FAM151A: variants seen among roughly 807,000 people sequenced by gnomAD.
The protein encoded by FAM151A is family with sequence similarity 151 member A, also known as protein FAM151A.
A neutral mutation model predicts 40.4 loss-of-function variants in FAM151A; 41 were observed. The ratio of observed to expected loss-of-function variants is 1.01; its 90% CI spans 0.79 to 1.32. The LOEUF (loss-of-function observed/expected upper bound fraction) is 1.32. Among genes scored for constraint, FAM151A ranks in the 40% most tolerant of loss-of-function variants. FAM151A has a pLI of 0.00. For synonymous variants in FAM151A, 337 were observed against 312.5 expected, an observed-to-expected ratio of 1.08 and a Z score of -0.83; for missense variants, 740 against 740.4, an observed-to-expected ratio of 1.00 and a Z score of 0.01.
rs151326879 is a variant in FAM151A at position 54,609,618 on chromosome 1, C to A, written c.1408G>T (p.Val470Phe). 8.3e-5 allele frequency: 134 copies of A among 1,613,518 alleles called. 1 individual carries two copies. The highest frequency in any genetic ancestry group is 8.2e-4 in the Middle Eastern group (5 of 6,078). Residue 470 changes from valine to phenylalanine, a missense_variant, in exon 8 of 8, where the codon GTC (valine) becomes TTC (phenylalanine). By Grantham distance (50) the Val-to-Phe change is conservative. Coordinates refer to ENST00000302250, the MANE Select transcript of FAM151A (RefSeq NM_176782.3). ...GRELLTAVAE[V>F]FPHVTVAPGW... ...GGTGCCACAGTCACGTGGGGGAAGA[C>A]CTCAGCCACAGCTGTAAGCAGCTCT...
chr1:54,623,447 A>G lies in FAM151A; in HGVS notation c.-52T>C. The G allele has an allele frequency of 7.2e-7, 1 of 1,383,818 alleles. No homozygotes were observed. 85.7% of individuals were successfully genotyped at this position (1,383,818 alleles called of 1,614,324 possible). On this transcript the variant is annotated 5_prime_UTR_variant, in exon 1 of 8. Transcript: ENST00000302250. ...AACTCCGTGCGGCCCAGAGTCCCTG[A>G]GGCTCCCTGCAGCTGGAATCCTGTG...
chr1:54,612,782 C>G lies in FAM151A; in HGVS notation c.576-72G>C. 7 of 1,162,976 alleles carry G rather than the reference C, an allele frequency of 6.0e-6. No individual in the cohort carries two copies. The South Asian group carries it at 9.0e-5, about 15-fold the overall frequency. The allele number at this position is 1,162,976 out of a possible 1,614,324, so 72.0% of individuals were successfully genotyped here. On this transcript the variant is annotated intron_variant, in intron 4 of 7. Transcript: ENST00000302250. ...CTTCCTCTCCTCTGGGGTCTCATCA[C>G]AGTGCTAGGGAGTGGCAGAGCCTAT...
chr1:54,609,490 C>T lies in FAM151A; in HGVS notation c.1536G>A (p.Met512Ile), dbSNP rs1435809095. 1 of 1,613,442 alleles carries T rather than the reference C, an allele frequency of 6.2e-7. No individual in the cohort carries two copies. Among genetic ancestry groups the T allele is most frequent in the South Asian group, 1.1e-5 (1 of 91,086 alleles). The change falls in exon 8 of 8, where the codon ATG becomes ATA. Residue 512 changes from methionine (M) to isoleucine (I), a missense_variant. Coordinates refer to ENST00000302250, the MANE Select transcript of FAM151A (RefSeq NM_176782.3). Reference sequence around the variant, plus strand: ...TGCTGTGGCCCAGCAGCATGGCCTGCATCTGGAAGGACACAGGTTGCCAGA... The same window carrying T: ...TGCTGTGGCCCAGCAGCATGGCCTGTATCTGGAAGGACACAGGTTGCCAGA... The part of the protein sequence containing the change: ...QGLWQPVSFQ[M>I]QAMLLGHSTA...
intron 1 of FAM151A, 129 bp from the exon 2 acceptor site, chr1:54,620,136 G>T: frequency 3.1e-6 from 3 of 967,250 alleles, no homozygotes; most frequent in South Asian, 1.7e-5. Flanking sequence ...GGACGGTGAG[G>T]CTCAGACTCA....
chr1:54,621,889 A>C (rs988835500), intron 1 of FAM151A: 2 of 152,254 alleles, frequency 1.3e-5, no homozygotes, highest in African/African-American at 4.8e-5. Context: ...TGAGTTTGAG[A>C]TTGCTTGTGT....
In FAM151A at chr1:54,615,987, G is replaced by A. The variant is rs755812938; in HGVS notation, c.415+33C>T. On this transcript the variant is annotated intron_variant, in intron 3 of 7. Transcript: ENST00000302250. ...ATGCTGCCCCAGGGCCAGAGGGCTG[G>A]GGGCCGGAGAGGGTTTCCAGAGAGG... 8 of 1,609,798 alleles carry A rather than the reference G, an allele frequency of 5.0e-6. No individual in the cohort carries two copies. The East Asian group carries it at 1.8e-4, about 36-fold the overall frequency.
At chr1:54,623,233 G>A in intron 1 of FAM151A, 45 bp downstream of exon 1, 12 of 1,293,006 alleles carry the variant, frequency 9.3e-6, no homozygotes, top group Non-Finnish European at 1.3e-5. Flanking sequence ...TAAGGAGCGA[G>A]CGATGAGGGA....
rs145547430 is a variant in FAM151A at position 54,623,311 on chromosome 1, C to T, written c.85G>A (p.Ala29Thr). 1.4e-4 allele frequency: 220 copies of T among 1,613,888 alleles called. No homozygotes were observed. The highest frequency in any genetic ancestry group is 1.7e-4 in the Non-Finnish European group (205 of 1,179,972). Reference sequence around the variant, plus strand: ...CGCAGGGTGATGGCAAGGACTATTGCGGCAATGACCACCACAGACACACAG... The same window carrying T: ...CGCAGGGTGATGGCAAGGACTATTGTGGCAATGACCACCACAGACACACAG... ...ITCVSVVVIAAIVLAITLRRP... is the reference protein window; with the variant it reads ...ITCVSVVVIATIVLAITLRRP... Residue 29 changes from alanine (A) to threonine (T), a missense_variant, in exon 1 of 8, where the codon GCA becomes ACA. Ala to Thr is a moderately conservative substitution (Grantham distance 58). Transcript: ENST00000302250.
chr1:54,616,650 G>A (rs750219811), intron 2 of FAM151A, among the ~76,000 whole-genome samples: 6 of 152,162 alleles, frequency 3.9e-5, no homozygotes, highest in Non-Finnish European at 7.4e-5. Flanking sequence ...TGGGATTACA[G>A]GCGTGAGCCA....
intron 2 of FAM151A, among the ~76,000 whole-genome samples, chr1:54,617,825 G>A (rs1644189620): frequency 6.9e-6 from 1 of 144,476 alleles, no homozygotes; most frequent in Non-Finnish European, 1.5e-5. Flanking sequence ...CTGGGTTCAA[G>A]TGATTCTCCT....
rs566832260 is a variant in FAM151A at position 54,612,195 on chromosome 1, G to T, written c.800+291C>A. On this transcript the variant is annotated intron_variant, in intron 5 of 7. Transcript: ENST00000302250. ...AAGGCACAATCTGTGTAGCCCCAGG[G>T]GTACAGCGGGCTCCTATTGGAGGAA... is the stretch of plus-strand genomic sequence containing the variant. Among the ~76,000 whole-genome samples, 290 of 151,932 alleles carry T rather than the reference G, an allele frequency of 1.9e-3. 3 individuals are homozygous for T. Among genetic ancestry groups the T allele is most frequent in the Middle Eastern group, 0.017 (5 of 294 alleles).
intron 2 of FAM151A, among the ~76,000 whole-genome samples, chr1:54,617,864 C>T (rs1644190105): frequency 6.6e-6 from 1 of 151,742 alleles, no homozygotes; most frequent in South Asian, 2.1e-4. Context: ...GCTGGGACTA[C>T]AGGTATGCAC....
chr1:54,612,190 C>T (rs1644126089), intron 5 of FAM151A, among the ~76,000 whole-genome samples: 1 of 151,566 alleles, frequency 6.6e-6, no homozygotes, highest in East Asian at 1.9e-4. Context: ...CTGTGTAGCC[C>T]CAGGGGTACA....
At chr1:54,610,297 T>C (rs1644103222) in intron 7 of FAM151A, 115 bp downstream of exon 7, 2 of 1,525,360 alleles carry the variant, frequency 1.3e-6, no homozygotes, top group Admixed American at 2.0e-5. Context: ...GCATCCAGGG[T>C]ATGGTGTAAA....
intron 1 of FAM151A, among the ~76,000 whole-genome samples, chr1:54,620,722 G>A (rs969343823): frequency 5.9e-5 from 9 of 151,476 alleles, no homozygotes; most frequent in Middle Eastern, 3.4e-3. Flanking sequence ...GGTGGCAGGA[G>A]CCTGTAATCC....
chr1:54,623,269 G>A lies in FAM151A; in HGVS notation c.118+9C>T. ...AGCCACTCAGGATGACATGGGGGGA[G>A]GCACCTACCTGGCCGCCGCAGGGTG... On this transcript the variant is annotated intron_variant, in intron 1 of 7. Coordinates refer to ENST00000302250, the MANE Select transcript of FAM151A (RefSeq NM_176782.3). The A allele has an allele frequency of 6.2e-7, 1 of 1,603,470 alleles. No homozygotes were observed. The highest frequency in any genetic ancestry group is 1.1e-5 in the South Asian group (1 of 90,790).
In FAM151A at chr1:54,616,024, T is replaced by C. The variant is rs1485536273; in HGVS notation, c.411A>G (p.Gln137=). Residue 137 remains glutamine, a synonymous_variant, in exon 3 of 8, where the codon CAA becomes CAG. Coordinates refer to ENST00000302250, the MANE Select transcript of FAM151A (RefSeq NM_176782.3). ...QWLDAVLGSS[Q]KGIKLDFKNI... The stretch of plus-strand genomic sequence containing the variant: ...GGTTTCCAGAGAGGCCCTTACCCTT[T>C]TGGGAAGAGCCCAGCACAGCGTCCA... 1.2e-6 allele frequency: 2 copies of C among 1,613,724 alleles called. No homozygotes were observed. The highest frequency in any genetic ancestry group is 1.1e-5 in the South Asian group (1 of 91,070).
chr1:54,618,953 A>G (rs1644201628), intron 2 of FAM151A, among the ~76,000 whole-genome samples: 1 of 152,216 alleles, frequency 6.6e-6, no homozygotes, highest in Admixed American at 6.5e-5. Flanking sequence ...AACTAGTGTA[A>G]GGGGCCATCT....
intron 5 of FAM151A, among the ~76,000 whole-genome samples, chr1:54,612,111 G>T (rs1035186696): frequency 1.4e-5 from 2 of 144,740 alleles, no homozygotes; most frequent in African/African-American, 5.1e-5. Flanking sequence ...AAGGTAGGGG[G>T]TATAGTGGGG....
Sources: allele counts gnomAD v4.1 joint callset (sites outside exome capture counted in the v4.1 genomes callset), GRCh38; gene constraint gnomAD v4.1.1; transcripts MANE v1.5; gene names NCBI Gene and HGNC (gene_info 2026-07-23, HGNC 2026-07-21).